Variants in EXOC4 observed in about 807,000 individuals in gnomAD.
EXOC4 encodes SEC8-like 1.
A neutral mutation model predicts 107.2 loss-of-function variants in EXOC4; 71 were observed. That is an observed-to-expected ratio of 0.66 (90% CI 0.55 to 0.81). EXOC4 has a LOEUF of 0.81. EXOC4 is among the 30% of genes least tolerant of loss of function. EXOC4 has a pLI of 0.00. For missense variants in EXOC4, 1,108 were observed against 1,189.6 expected (o/e 0.93, Z 1.01); for synonymous variants, 456 against 441.2 (o/e 1.03, Z -0.42).
chr7:133,416,165 A>G (rs982849365), intron 7 of EXOC4, among the ~76,000 whole-genome samples: 1 of 152,206 alleles, frequency 6.6e-6, no homozygotes, highest in Non-Finnish European at 1.5e-5. Flanking sequence ...TCTATGAGAA[A>G]AAAAGACTGT....
At chr7:133,676,392 A>G (rs1368346565) in intron 10 of EXOC4, among the ~76,000 whole-genome samples, 1 of 152,174 alleles carries the variant, frequency 6.6e-6, no homozygotes, top group Non-Finnish European at 1.5e-5. Context: ...TTTGAAGAGC[A>G]ACATAGAGTA....
chr7:133,685,971 T>C (rs1269018408), intron 10 of EXOC4, among the ~76,000 whole-genome samples: 1 of 152,116 alleles, frequency 6.6e-6, no homozygotes, highest in East Asian at 1.9e-4. Flanking sequence ...AAAACATGAG[T>C]ATTTGGCTTT....
At chr7:133,658,206 C>G (rs7798120) in intron 10 of EXOC4, among the ~76,000 whole-genome samples, 2 of 152,100 alleles carry the variant, frequency 1.3e-5, no homozygotes, top group Admixed American at 1.3e-4. Flanking sequence ...GATCCCAATA[C>G]ATCCGTGAGG....
intron 7 of EXOC4, among the ~76,000 whole-genome samples, chr7:133,400,095 G>A (rs967695341): frequency 2.6e-5 from 4 of 152,202 alleles, no homozygotes; most frequent in Non-Finnish European, 5.9e-5. Context: ...GGGGGCAGGA[G>A]TTAGTGGCAC....
At chr7:133,825,397 G>T (rs895082220) in intron 11 of EXOC4, among the ~76,000 whole-genome samples, 2 of 151,990 alleles carry the variant, frequency 1.3e-5, no homozygotes, top group Non-Finnish European at 2.9e-5. Flanking sequence ...TAGGTATTCT[G>T]TTAAGGCAGT....
chr7:133,590,897 A>G (rs1801525529), intron 9 of EXOC4, among the ~76,000 whole-genome samples: 1 of 152,178 alleles, frequency 6.6e-6, no homozygotes, highest in African/African-American at 2.4e-5. Flanking sequence ...CAGCAAAGCT[A>G]AGAGGGCACA....
intron 17 of EXOC4, among the ~76,000 whole-genome samples, chr7:134,051,956 A>G (rs2116584774): frequency 6.6e-6 from 1 of 152,122 alleles, no homozygotes; most frequent in East Asian, 1.9e-4. Flanking sequence ...ACTGCACTCC[A>G]GCCTGGGCAA....
chr7:133,745,300 C>T (rs777916253), intron 10 of EXOC4, among the ~76,000 whole-genome samples: 12 of 152,044 alleles, frequency 7.9e-5, no homozygotes, highest in Non-Finnish European at 1.5e-4. Flanking sequence ...AGCTTACACT[C>T]GAGTACAGCT....
intron 10 of EXOC4, among the ~76,000 whole-genome samples, chr7:133,793,390 C>T (rs578115661): frequency 6.6e-6 from 1 of 152,082 alleles, no homozygotes; most frequent in Non-Finnish European, 1.5e-5. Flanking sequence ...TTACTCATGG[C>T]GTCGGGCAGT....
chr7:133,859,290 C>T (rs1320397073), intron 11 of EXOC4, among the ~76,000 whole-genome samples: 3 of 152,278 alleles, frequency 2.0e-5, no homozygotes, highest in East Asian at 1.9e-4. Flanking sequence ...AGGAGCTTCA[C>T]GCCCTCTCTT....
At chr7:133,786,745 A>C (rs1272454481) in intron 10 of EXOC4, among the ~76,000 whole-genome samples, 3 of 152,238 alleles carry the variant, frequency 2.0e-5, no homozygotes, top group African/African-American at 7.2e-5. Flanking sequence ...AGGCCATGTA[A>C]GATCCAACAG....
At chr7:133,680,640 C>T (rs1042715337) in intron 10 of EXOC4, among the ~76,000 whole-genome samples, 2 of 152,164 alleles carry the variant, frequency 1.3e-5, no homozygotes, top group Non-Finnish European at 2.9e-5. Context: ...AGAAGCGAAT[C>T]AAGATTTTCA....
intron 9 of EXOC4, among the ~76,000 whole-genome samples, chr7:133,529,117 T>G (rs562212510): frequency 1.6e-4 from 25 of 152,296 alleles, no homozygotes; most frequent in Non-Finnish European, 3.5e-4. Flanking sequence ...TCTCTTCCTT[T>G]TATTGAAAAA....
chr7:133,460,948 A>G (rs899665302), intron 7 of EXOC4, among the ~76,000 whole-genome samples: 1 of 152,152 alleles, frequency 6.6e-6, no homozygotes, highest in South Asian at 2.1e-4. Context: ...GGAAAAGTTA[A>G]ATATCCAGCA....
intron 7 of EXOC4, among the ~76,000 whole-genome samples, chr7:133,465,147 T>A (rs570976135): frequency 6.6e-6 from 1 of 152,222 alleles, no homozygotes; most frequent in East Asian, 1.9e-4. Flanking sequence ...TGTAAGATAA[T>A]TCTAGAGTTT....
chr7:134,062,011 T>A (rs4731997), intron 17 of EXOC4, among the ~76,000 whole-genome samples: 5 of 151,976 alleles, frequency 3.3e-5, no homozygotes, highest in Non-Finnish European at 4.4e-5. Flanking sequence ...TTATCTCCCC[T>A]TCTACCAAGT....
chr7:133,817,858 G>A (rs1198958701), intron 11 of EXOC4, among the ~76,000 whole-genome samples: 1 of 152,046 alleles, frequency 6.6e-6, no homozygotes, highest in Non-Finnish European at 1.5e-5. Context: ...TTTTCCATTG[G>A]TGAATGCATC....
At chr7:133,331,762 C>G (rs965958238) in intron 5 of EXOC4, among the ~76,000 whole-genome samples, 1 of 152,150 alleles carries the variant, frequency 6.6e-6, no homozygotes, top group Admixed American at 6.5e-5. Context: ...TTTACAGATA[C>G]GGAAGCTGAA....
chr7:133,490,484 A>G (rs939044212), intron 9 of EXOC4, among the ~76,000 whole-genome samples: 2 of 152,204 alleles, frequency 1.3e-5, no homozygotes, highest in African/African-American at 2.4e-5. Context: ...AGGTAAAGAA[A>G]TTGAGGCAAG....
Sources: allele counts gnomAD v4.1 joint callset (sites outside exome capture counted in the v4.1 genomes callset), GRCh38; gene constraint gnomAD v4.1.1; transcripts MANE v1.5; gene names NCBI Gene and HGNC (gene_info 2026-07-23, HGNC 2026-07-21).